The following DUSP29 variants were observed in gnomAD, a reference collection of about 807,000 sequenced individuals.
DUSP29 encodes atypical dual-specific protein phosphatase.
A neutral mutation model predicts 13.5 loss-of-function variants in DUSP29; 12 were observed. The ratio of observed to expected loss-of-function variants is 0.89; its 90% CI spans 0.57 to 1.44. DUSP29 has a LOEUF of 1.44. DUSP29 is among the 40% of genes most tolerant of loss of function. The probability of loss-of-function intolerance (pLI) is 0.00; values close to 1 mark genes in which losing one functional copy is unlikely to be tolerated. For missense variants in DUSP29, 308 were observed against 301.1 expected, an observed-to-expected ratio of 1.02 and a Z score of -0.17; for synonymous variants, 134 against 128.7, an observed-to-expected ratio of 1.04 and a Z score of -0.28.
At chr10:75,040,372 C>T (rs1265802269) in intron 3 of DUSP29, among the ~76,000 whole-genome samples, 1 of 152,210 alleles carries the variant, frequency 6.6e-6, no homozygotes, top group Non-Finnish European at 1.5e-5. Context: ...AAAGTCTGAT[C>T]TTTAGCGCCT....
rs550960568 is a variant in DUSP29, at chr10:75,052,703, C to T, written c.200+5612G>A. 5.9e-5 allele frequency among the ~76,000 whole-genome samples: 9 copies of T among 152,300 alleles called. No individual in the cohort carries two copies. The South Asian group carries it at 6.2e-4, about 11-fold the overall frequency. On this transcript the variant is annotated intron_variant, in intron 2 of 3. Coordinates refer to ENST00000338487, the MANE Select transcript of DUSP29 (RefSeq NM_001003892.3). ...GTGACTTCAAGCGAGCCACCTGCCTCGGCCTCCCAAAGTGTTGAGATTACA... is the reference window on the plus strand; with the variant it reads ...GTGACTTCAAGCGAGCCACCTGCCTTGGCCTCCCAAAGTGTTGAGATTACA...
At chr10:75,041,746 T>C (rs541791924) in intron 3 of DUSP29, among the ~76,000 whole-genome samples, 1 of 152,300 alleles carries the variant, frequency 6.6e-6, no homozygotes, top group East Asian at 1.9e-4. Context: ...TCTATCCCAC[T>C]CATAGTCTCT....
chr10:75,072,114 A>G (rs1206240550), intron 1 of DUSP29, among the ~76,000 whole-genome samples: 4 of 152,194 alleles, frequency 2.6e-5, no homozygotes, highest in African/African-American at 9.7e-5. Context: ...CTCTTCTCCA[A>G]GCCCACATGT....
chr10:75,069,516 C>T (rs1847276212), intron 1 of DUSP29, among the ~76,000 whole-genome samples: 1 of 152,234 alleles, frequency 6.6e-6, no homozygotes, highest in Non-Finnish European at 1.5e-5. Context: ...GCAGCCCTCA[C>T]CATGGTCCTG....
intron 2 of DUSP29, among the ~76,000 whole-genome samples, chr10:75,047,480 C>T (rs1367592176): frequency 6.6e-6 from 1 of 152,162 alleles, no homozygotes; most frequent in African/African-American, 2.4e-5. Context: ...TTCAGGGCCA[C>T]ATACATTATC....
At chr10:75,061,991 G>T (rs560454128) in intron 1 of DUSP29, among the ~76,000 whole-genome samples, 1 of 152,194 alleles carries the variant, frequency 6.6e-6, no homozygotes, top group Admixed American at 6.5e-5. Flanking sequence ...GACTGCAGGC[G>T]CAGGGTGGGC....
intron 1 of DUSP29, among the ~76,000 whole-genome samples, chr10:75,065,381 T>C (rs538215352): frequency 4.9e-4 from 74 of 152,144 alleles, no homozygotes; most frequent in African/African-American, 1.8e-3. Context: ...CTTTTTTTTT[T>C]TGAGACAGAG....
At chr10:75,059,952 A>G (rs1418695581) in intron 1 of DUSP29, among the ~76,000 whole-genome samples, 5 of 152,138 alleles carry the variant, frequency 3.3e-5, no homozygotes, top group Non-Finnish European at 7.4e-5. Context: ...TGAGGTCAGG[A>G]GTTCAAGACC....
chr10:75,066,082 G>T (rs1384346350), intron 1 of DUSP29, among the ~76,000 whole-genome samples: 7 of 152,140 alleles, frequency 4.6e-5, no homozygotes, highest in Admixed American at 4.6e-4. Context: ...GGCCCAGAAA[G>T]AGGTGGAGTG....
chr10:75,041,927 C>A (rs961774302), intron 3 of DUSP29, among the ~76,000 whole-genome samples: 8 of 152,186 alleles, frequency 5.3e-5, no homozygotes, highest in Admixed American at 1.3e-4. Flanking sequence ...TGGGGGCAGA[C>A]CCTAAAATTG....
intron 1 of DUSP29, 107 bp from the exon 2 acceptor site, chr10:75,058,655 G>C (rs966261615): frequency 6.0e-6 from 6 of 1,007,910 alleles, no homozygotes; most frequent in Non-Finnish European, 7.1e-6. Flanking sequence ...TTTGGAAAGA[G>C]TTTCCCCAAC....
intron 2 of DUSP29, among the ~76,000 whole-genome samples, chr10:75,047,929 A>G (rs1254730506): frequency 2.0e-5 from 3 of 152,180 alleles, no homozygotes; most frequent in Non-Finnish European, 4.4e-5. Context: ...ACAATACTAT[A>G]TATATAAAGT....
At chr10:75,055,952 C>G (rs968260290) in intron 2 of DUSP29, among the ~76,000 whole-genome samples, 2 of 152,122 alleles carry the variant, frequency 1.3e-5, no homozygotes, top group Non-Finnish European at 2.9e-5. Context: ...CTCTATCCCT[C>G]AGGCTAAAGT....
chr10:75,066,846 C>T (rs904893376), intron 1 of DUSP29, among the ~76,000 whole-genome samples: 2 of 152,164 alleles, frequency 1.3e-5, no homozygotes, highest in Admixed American at 6.5e-5. Context: ...GTCAGGCCTC[C>T]GTGGTGTCAG....
At chr10:75,051,444 G>A (rs1209497806) in intron 2 of DUSP29, among the ~76,000 whole-genome samples, 1 of 152,222 alleles carries the variant, frequency 6.6e-6, no homozygotes. Flanking sequence ...CCAGTGTTCA[G>A]TCCAGACACT....
intron 2 of DUSP29, among the ~76,000 whole-genome samples, chr10:75,044,415 C>A (rs1846660470): frequency 6.6e-6 from 1 of 152,152 alleles, no homozygotes. Context: ...CTGCTCTGAA[C>A]CTGCTGGATG....
At chr10:75,072,294 A>G (rs1161734975) in intron 1 of DUSP29, among the ~76,000 whole-genome samples, 4 of 152,046 alleles carry the variant, frequency 2.6e-5, no homozygotes, top group Non-Finnish European at 4.4e-5. Context: ...AGCTGTAAAC[A>G]TTCACCCCTA....
chr10:75,064,724 G>T (rs1847161043), intron 1 of DUSP29, among the ~76,000 whole-genome samples: 1 of 151,818 alleles, frequency 6.6e-6, no homozygotes, highest in Admixed American at 6.6e-5. Context: ...AAGTAGGAAA[G>T]GTTTTAATCT....
chr10:75,048,605 G>A (rs1436068768), intron 2 of DUSP29, among the ~76,000 whole-genome samples: 3 of 152,100 alleles, frequency 2.0e-5, no homozygotes, highest in Non-Finnish European at 4.4e-5. Flanking sequence ...TCACCATGTT[G>A]GCCAGGCTGG....
Sources: gnomAD v4.1 joint callset for allele counts (sites outside exome capture counted in the v4.1 genomes callset) on GRCh38, gnomAD v4.1.1 for gene constraint, MANE v1.5 for transcripts, NCBI Gene and HGNC (gene_info 2026-07-23, HGNC 2026-07-21) for gene names.